The following CUX2 variants were observed in gnomAD, a reference collection of about 807,000 sequenced individuals.
CUX2 encodes the protein homeobox protein cut-like 2.
A neutral mutation model predicts 144.8 loss-of-function variants in CUX2; 40 were observed. The observed-to-expected ratio is 0.28, with a 90% CI of 0.21 to 0.36. The LOEUF (loss-of-function observed/expected upper bound fraction) is 0.36, where lower values mean the gene tolerates loss of function less well. Ranked by LOEUF, CUX2 falls within the 10% of genes least tolerant of loss-of-function variation. The pLI is 1.00. For missense variants in CUX2, 1,615 were observed against 1,994.0 expected (o/e 0.81, Z 3.62); for synonymous variants, 827 against 875.6 (o/e 0.94, Z 0.98).
Position 111,217,894 on chromosome 12 carries a change from T to C in CUX2, c.179T>C (p.Ile60Thr). 6.2e-7 allele frequency: 1 copy of C among 1,614,054 alleles called. No homozygotes were observed. Among genetic ancestry groups the C allele is most frequent in the Non-Finnish European group, 8.5e-7 (1 of 1,180,002 alleles). Residue 60 changes from isoleucine (I) to threonine (T), a missense_variant, in exon 3 of 22, where the codon ATC becomes ACC. By Grantham distance (89) the Ile-to-Thr change is moderately conservative (BLOSUM62 -1). Transcript: ENST00000261726. The stretch of plus-strand genomic sequence containing the variant: ...CTTTGCTGATCTCTTTTTCAGGAAA[T>C]CAGAGAGATGGTGGCTCCTGTATTA... ...REFKKNVPEE[I>T]REMVAPVLKS...
At chr12:111,055,430 G>A (rs1041498793) in intron 1 of CUX2, among the ~76,000 whole-genome samples, 30 of 152,256 alleles carry the variant, frequency 2.0e-4, no homozygotes, top group African/African-American at 7.2e-4. Flanking sequence ...CCGGCCCTCG[G>A]AGGATATCCT....
At chr12:111,227,774 C>T (rs976576225) in intron 3 of CUX2, among the ~76,000 whole-genome samples, 4 of 152,156 alleles carry the variant, frequency 2.6e-5, no homozygotes, top group African/African-American at 9.7e-5. Context: ...CTCACCCCTC[C>T]AACCAGCTCC....
chr12:111,292,371 C>T (rs1885737212), intron 5 of CUX2, among the ~76,000 whole-genome samples: 1 of 151,972 alleles, frequency 6.6e-6, no homozygotes, highest in Admixed American at 6.6e-5. Flanking sequence ...GCGGGTGGAT[C>T]ACAAGGTCAG....
At chr12:111,211,349 G>A (rs1160801437) in intron 1 of CUX2, among the ~76,000 whole-genome samples, 3 of 152,172 alleles carry the variant, frequency 2.0e-5, no homozygotes, top group East Asian at 1.9e-4. Flanking sequence ...TCTCTCTGCA[G>A]TGTGGACACA....
chr12:111,238,736 T>G (rs1395989600), intron 3 of CUX2, among the ~76,000 whole-genome samples: 1 of 152,102 alleles, frequency 6.6e-6, no homozygotes, highest in East Asian at 1.9e-4. Flanking sequence ...ACACATGAAT[T>G]CCACTCAGGT....
At chr12:111,078,729 G>T (rs540562612) in intron 1 of CUX2, among the ~76,000 whole-genome samples, 1 of 152,030 alleles carries the variant, frequency 6.6e-6, no homozygotes, top group South Asian at 2.1e-4. Flanking sequence ...GGGGATCCAC[G>T]GACAGGTTTT....
chr12:111,036,993 A>G (rs1869489895), intron 1 of CUX2, among the ~76,000 whole-genome samples: 1 of 150,004 alleles, frequency 6.7e-6, no homozygotes, highest in Admixed American at 6.7e-5. Flanking sequence ...TCTCTTGTAC[A>G]TAATGCCAGT....
In CUX2 at chr12:111,034,187, A is replaced by C; in HGVS notation, c.10A>C (p.Asn4His). 7.2e-7 allele frequency: 1 copy of C among 1,397,702 alleles called. No homozygotes were observed. Among genetic ancestry groups the C allele is most frequent in the Non-Finnish European group, 9.6e-7 (1 of 1,046,304 alleles). The allele number at this position is 1,397,702 out of a possible 1,614,324, so 86.6% of individuals were successfully genotyped here. A position where few individuals can be genotyped will look rare whatever the true frequency, so the allele number is the denominator to read the frequency against. MAA[N>H]VGSMFQYWKR... ...CTCGATAGCCCCCAAGATGGCCGCC[A>C]ATGTGGGATCGATGTTTCAATATTG... Residue 4 changes from asparagine to histidine, a missense_variant, in exon 1 of 22, where the codon AAT (asparagine) becomes CAT (histidine). Coordinates refer to ENST00000261726, the MANE Select transcript of CUX2 (RefSeq NM_015267.4). This position sits in a 1 kb window ranked among gnomAD's most constrained non-coding sequence, Gnocchi z 4.2.
chr12:111,213,806 G>C (rs767629162), intron 1 of CUX2, among the ~76,000 whole-genome samples: 73 of 151,728 alleles, frequency 4.8e-4, no homozygotes, highest in Non-Finnish European at 1.0e-4. Context: ...ACAATATGCC[G>C]CACTTTACTA....
At chr12:111,323,779 G>A (rs770951374) in intron 18 of CUX2, among the ~76,000 whole-genome samples, 4 of 147,232 alleles carry the variant, frequency 2.7e-5, no homozygotes, top group African/African-American at 5.0e-5. Flanking sequence ...AAAGGAGGCC[G>A]AGCACAGTGG....
chr12:111,139,538 C>T (rs977008946), intron 1 of CUX2, among the ~76,000 whole-genome samples: 3 of 152,146 alleles, frequency 2.0e-5, no homozygotes, highest in Non-Finnish European at 4.4e-5. Context: ...TTTCCAACCC[C>T]TCAGAGGAGG....
chr12:111,230,633 T>C (rs2136244297), intron 3 of CUX2, among the ~76,000 whole-genome samples: 1 of 152,316 alleles, frequency 6.6e-6, no homozygotes, highest in South Asian at 2.1e-4. Flanking sequence ...GTTCTTGGTC[T>C]AGCATGAGGC....
rs116683209 is a variant in CUX2, at chr12:111,323,197, C to T, written c.2926+617C>T. ...CGGGCCCTGCACTGGAATGAGGGCA[C>T]GTGACTGCAAGGAGAGGACATCAGA... On this transcript the variant is annotated intron_variant, in intron 18 of 21. Transcript: ENST00000261726. Among the ~76,000 whole-genome samples, 240 of 152,296 alleles carry T rather than the reference C, an allele frequency of 1.6e-3. 2 individuals carry two copies. Among genetic ancestry groups the T allele is most frequent in the African/African-American group, 5.6e-3 (234 of 41,560 alleles).
chr12:111,225,366 G>A (rs540592353), intron 3 of CUX2, among the ~76,000 whole-genome samples: 2 of 152,170 alleles, frequency 1.3e-5, no homozygotes, highest in Non-Finnish European at 1.5e-5. Flanking sequence ...GGCTCAGCCC[G>A]CAGCCCCTGA....
At chr12:111,340,519 G>A (rs1451534123) in intron 20 of CUX2, among the ~76,000 whole-genome samples, 1 of 152,096 alleles carries the variant, frequency 6.6e-6, no homozygotes, top group Non-Finnish European at 1.5e-5. Context: ...GACCAGCCTG[G>A]GCAACAGAGT....
intron 1 of CUX2, among the ~76,000 whole-genome samples, chr12:111,161,669 T>C (rs1877775978): frequency 6.6e-6 from 1 of 152,186 alleles, no homozygotes; most frequent in African/African-American, 2.4e-5. Flanking sequence ...ACAGGGCAGT[T>C]CAACTGCAAA....
rs577011242 is a variant in CUX2 at position 111,061,633 on chromosome 12, C to T, written c.63+27393C>T. ...TACATCACGGTCTTTCCACTTATAC[C>T]CACATTAGCATTCTCCACGTCATTT... On this transcript the variant is annotated intron_variant, in intron 1 of 21. Transcript: ENST00000261726. The surrounding 1 kb of genome is among the most constrained non-coding windows in gnomAD (Gnocchi z 4.2). Among the ~76,000 whole-genome samples the T allele has an allele frequency of 6.6e-6, 1 of 152,294 alleles. No individual in the cohort carries two copies. Among genetic ancestry groups the T allele is most frequent in the Admixed American group, 6.5e-5 (1 of 15,304 alleles).
intron 20 of CUX2, chr12:111,339,644 A>C (rs1052670663): frequency 3.9e-5 from 6 of 152,264 alleles, no homozygotes. Context: ...CATGCTATGC[A>C]TCAAGGATTC....
At chr12:111,220,331 C>T (rs118015935) in intron 3 of CUX2, among the ~76,000 whole-genome samples, 3,115 of 152,196 alleles carry the variant, frequency 0.02, 47 homozygotes, top group Non-Finnish European at 0.031. Context: ...TGCCACTTTC[C>T]TAACTAGGTG....
Sources: allele counts gnomAD v4.1 joint callset (sites outside exome capture counted in the v4.1 genomes callset), GRCh38; gene constraint gnomAD v4.1.1; non-coding constraint Gnocchi (gnomAD v3.1); transcripts MANE v1.5; gene names NCBI Gene and HGNC (gene_info 2026-07-23, HGNC 2026-07-21).